The following NECAB1 variants were observed in gnomAD, a reference collection of about 807,000 sequenced individuals.
The protein encoded by NECAB1 is N-terminal EF-hand calcium-binding protein 1.
NECAB1 carries 29 observed loss-of-function variants against 57.5 expected under a neutral mutation model. The ratio of observed to expected loss-of-function variants is 0.50; its 90% CI spans 0.38 to 0.69. NECAB1 has a LOEUF of 0.69. Among genes scored for constraint, NECAB1 ranks in the 30% least tolerant of loss-of-function variants. NECAB1 has a pLI of 0.00. For missense variants in NECAB1, 372 were observed against 413.8 expected, an observed-to-expected ratio of 0.90 and a Z score of 0.88; for synonymous variants, 142 against 147.7, an observed-to-expected ratio of 0.96 and a Z score of 0.28.
At chr8:90,814,570 T>C (rs557888958) in intron 2 of NECAB1, among the ~76,000 whole-genome samples, 27 of 152,338 alleles carry the variant, frequency 1.8e-4, no homozygotes, top group African/African-American at 6.5e-4. Flanking sequence ...TATGGACACA[T>C]GGATATTTAT....
At chr8:90,926,260 G>T (rs1291072695) in intron 7 of NECAB1, among the ~76,000 whole-genome samples, 1 of 152,138 alleles carries the variant, frequency 6.6e-6, no homozygotes, top group African/African-American at 2.4e-5. Flanking sequence ...ATGCACATAT[G>T]TCACTTGAAC....
intron 1 of NECAB1, among the ~76,000 whole-genome samples, chr8:90,799,487 T>C (rs1811725413): frequency 6.6e-6 from 1 of 152,164 alleles, no homozygotes; most frequent in African/African-American, 2.4e-5. Flanking sequence ...TTTTTGTCTA[T>C]AGTATTAGAT....
chr8:90,888,186 C>T (rs893157327), intron 5 of NECAB1, among the ~76,000 whole-genome samples: 5 of 152,058 alleles, frequency 3.3e-5, no homozygotes, highest in Admixed American at 1.3e-4. Context: ...AGATTGCTAG[C>T]GGGAACATTT....
At chr8:90,952,085 G>A (rs1295745686) in intron 12 of NECAB1, among the ~76,000 whole-genome samples, 1 of 152,106 alleles carries the variant, frequency 6.6e-6, no homozygotes, top group African/African-American at 2.4e-5. Context: ...CTTTTGAACA[G>A]CAACCTGGAG....
chr8:90,949,749 A>C, intron 10 of NECAB1, 58 bp from the exon 11 acceptor site: 1 of 986,054 alleles, frequency 1.0e-6, no homozygotes, highest in Non-Finnish European at 1.6e-6. Context: ...ATATTAGAAA[A>C]GTTAGCTTGC....
At chr8:90,864,412 A>G (rs564903022) in intron 3 of NECAB1, among the ~76,000 whole-genome samples, 24 of 152,152 alleles carry the variant, frequency 1.6e-4, no homozygotes, top group African/African-American at 5.8e-4. Context: ...AGCAACAAAC[A>G]CAAATGAACA....
intron 2 of NECAB1, among the ~76,000 whole-genome samples, chr8:90,818,525 A>G (rs910122589): frequency 6.6e-6 from 1 of 152,014 alleles, no homozygotes; most frequent in Admixed American, 6.6e-5. Context: ...TTTTCTTTCA[A>G]TACTTTAAAT....
intron 6 of NECAB1, among the ~76,000 whole-genome samples, chr8:90,921,395 A>T (rs1430478229): frequency 6.6e-6 from 1 of 151,254 alleles, no homozygotes; most frequent in Non-Finnish European, 1.5e-5. Context: ...CAGGTCAGGC[A>T]TGGTGGCTCA....
intron 3 of NECAB1, among the ~76,000 whole-genome samples, chr8:90,859,473 G>A (rs1462319206): frequency 6.6e-6 from 1 of 152,152 alleles, no homozygotes; most frequent in Non-Finnish European, 1.5e-5. Context: ...TGCCAAAACA[G>A]GAATTAGGGA....
intron 3 of NECAB1, among the ~76,000 whole-genome samples, chr8:90,863,827 T>A (rs1808455668): frequency 6.6e-6 from 1 of 152,132 alleles, no homozygotes; most frequent in Admixed American, 6.6e-5. Flanking sequence ...CAAGAAGCAG[T>A]TCTACCAGAA....
intron 5 of NECAB1, among the ~76,000 whole-genome samples, chr8:90,906,874 C>CATATATATATATGTAT (rs1290352726): frequency 9.4e-5 from 4 of 42,654 alleles, no homozygotes; most frequent in African/African-American, 8.5e-4. Context: ...ATATGATATA[C>CATATATATATATGTAT]ACATATATAT....
At chr8:90,878,489 C>G (rs1479298274) in intron 4 of NECAB1, among the ~76,000 whole-genome samples, 2 of 152,184 alleles carry the variant, frequency 1.3e-5, no homozygotes, top group Non-Finnish European at 2.9e-5. Flanking sequence ...GACTGCCTGA[C>G]CCATATCCCT....
intron 5 of NECAB1, among the ~76,000 whole-genome samples, chr8:90,887,918 T>C (rs1407519787): frequency 6.6e-6 from 1 of 152,218 alleles, no homozygotes; most frequent in Non-Finnish European, 1.5e-5. Flanking sequence ...AAAAAAATTC[T>C]TAACAGATTG....
chr8:90,897,074 T>TA (rs374399267), intron 5 of NECAB1, among the ~76,000 whole-genome samples: 79,443 of 151,502 alleles, frequency 0.52, 24,357 homozygotes, highest in African/African-American at 0.83. Context: ...AAAGAAAATT[T>TA]AAAAAAAATA....
chr8:90,945,078 T>C (rs2075985151), intron 10 of NECAB1, among the ~76,000 whole-genome samples: 1 of 151,980 alleles, frequency 6.6e-6, no homozygotes, highest in African/African-American at 2.4e-5. Context: ...ATTTATTTTT[T>C]TTTGAGATGG....
intron 6 of NECAB1, among the ~76,000 whole-genome samples, chr8:90,920,596 AC>A (rs1405395219): frequency 2.6e-5 from 4 of 152,150 alleles, no homozygotes; most frequent in Non-Finnish European, 5.9e-5. Flanking sequence ...GATCCGTCTC[AC>A]CCATCTCATG....
intron 8 of NECAB1, among the ~76,000 whole-genome samples, chr8:90,932,143 G>T (rs976261819): frequency 6.6e-6 from 1 of 152,120 alleles, no homozygotes; most frequent in African/African-American, 2.4e-5. Flanking sequence ...AACTGAAATT[G>T]TACCTTAGTT....
rs1206159348 is a variant in NECAB1 at position 90,957,391 on chromosome 8, G to T, written c.*1879G>T. The T allele has an allele frequency of 6.6e-6, 1 of 151,766 alleles. No individual in the cohort carries two copies. The highest frequency in any genetic ancestry group is 1.5e-5 in the Non-Finnish European group (1 of 67,846). 9.4% of individuals were successfully genotyped at this position (151,766 alleles called of 1,614,324 possible). On this transcript the variant is annotated 3_prime_UTR_variant, in exon 13 of 13. Transcript: ENST00000417640. ...CATGGTAGTATTACTTGTTAAAAGG[G>T]TTCTGTTTTCATTAACAGTACTAAG...
At chr8:90,838,202 TG>T (rs1480736225) in intron 3 of NECAB1, among the ~76,000 whole-genome samples, 57 of 152,284 alleles carry the variant, frequency 3.7e-4, no homozygotes, top group African/African-American at 1.3e-3. Flanking sequence ...TTTACATCAT[TG>T]ATAGGTTCTT....
Sources: gnomAD v4.1 joint callset for allele counts (sites outside exome capture counted in the v4.1 genomes callset) on GRCh38, gnomAD v4.1.1 for gene constraint, MANE v1.5 for transcripts, NCBI Gene and HGNC (gene_info 2026-07-23, HGNC 2026-07-21) for gene names.